The following CEACAM7 variants were observed in gnomAD, a reference collection of about 807,000 sequenced individuals.
CEACAM7 encodes the protein CEA cell adhesion molecule 7, also known as cell adhesion molecule CEACAM7.
CEACAM7 carries 24 observed loss-of-function variants against 25.7 expected under a neutral mutation model. The observed-to-expected ratio is 0.93, with a 90% CI of 0.68 to 1.31. CEACAM7 has a LOEUF of 1.31. Among genes scored for constraint, CEACAM7 ranks in the 40% most tolerant of loss-of-function variants. The pLI, the probability that CEACAM7 is intolerant of heterozygous loss-of-function variation, is 0.00. For synonymous variants in CEACAM7, 144 were observed against 129.4 expected (o/e 1.11, Z -0.77); for missense variants, 324 against 330.1 (o/e 0.98, Z 0.14).
At chr19:41,683,013 C>T (rs116149848) in intron 3 of CEACAM7, among the ~76,000 whole-genome samples, 3 of 152,204 alleles carry the variant, frequency 2.0e-5, no homozygotes, top group South Asian at 2.1e-4. Context: ...GAGGGTTCAG[C>T]GGGGAGAATT....
intron 4 of CEACAM7, among the ~76,000 whole-genome samples, chr19:41,675,709 C>T (rs1164139196): frequency 6.6e-6 from 1 of 152,060 alleles, no homozygotes; most frequent in Non-Finnish European, 1.5e-5. Flanking sequence ...CTTAAGATGG[C>T]AATGGTTAAA....
At chr19:41,678,310 C>CATATAT (rs1242736754) in intron 3 of CEACAM7, among the ~76,000 whole-genome samples, 24 of 144,754 alleles carry the variant, frequency 1.7e-4, no homozygotes, top group African/African-American at 5.5e-4. Context: ...CTGTTTCTCC[C>CATATAT]ATGTATATGT....
At chr19:41,686,753 G>T in intron 2 of CEACAM7, 106 bp downstream of exon 2, 1 of 1,277,490 alleles carries the variant, frequency 7.8e-7, no homozygotes, top group Non-Finnish European at 1.1e-6. Flanking sequence ...CTCCAACACT[G>T]GATAAAATGT....
At chr19:41,676,600 C>T (rs2072115842) in intron 4 of CEACAM7, among the ~76,000 whole-genome samples, 2 of 152,146 alleles carry the variant, frequency 1.3e-5, no homozygotes, top group Non-Finnish European at 2.9e-5. Context: ...CTGTATCTTT[C>T]ATGAACACAT....
At position 41,683,987 on chromosome 19, in the gene CEACAM7, A is replaced by G. The variant is rs1418219418; in HGVS notation, c.504T>C (p.Cys168=). The G allele has an allele frequency of 1.2e-6, 2 of 1,614,076 alleles. No homozygotes were observed. The highest frequency in any genetic ancestry group is 1.7e-5 in the Admixed American group (1 of 60,008). ...AGGTTGTGTTCTGAGTCTCAGGTTG[A>G]CAGGTTAAAACCACAATATCTTTGT... ...VENKDIVVLT[C]QPETQNTTYL... The change falls in exon 3 of 5, where the codon TGT becomes TGC. Residue 168 remains cysteine, a synonymous_variant. Transcript: ENST00000401731.
rs1568688297 is a variant in CEACAM7 at position 41,683,910 on chromosome 19, A to G, written c.581T>C (p.Leu194Pro). 1 of 1,614,070 alleles carries G rather than the reference A, an allele frequency of 6.2e-7. No homozygotes were observed. ...AACGAGGGTCCTGTTGTCAGTGGAG[A>G]GCAGCAGCCTGGGACTGACCAGGAG... is the stretch of plus-strand genomic sequence containing the variant. ...QSLLVSPRLLLSTDNRTLVLL... is the reference protein window; with the variant it reads ...QSLLVSPRLLPSTDNRTLVLL... Residue 194 changes from leucine (L) to proline (P), a missense_variant, in exon 3 of 5, where the codon CTC (leucine) becomes CCC (proline). Coordinates refer to ENST00000401731, the MANE Select transcript of CEACAM7 (RefSeq NM_001291485.2).
In CEACAM7 at chr19:41,686,995, G is replaced by T. The variant is rs140053238; in HGVS notation, c.291C>A (p.Asn97Lys). ...CATTGGGGTATATTGTCTCTCGACC[G>T]TTGTGTGCGGGCCCTGGGGCATTTT... is the stretch of plus-strand genomic sequence containing the variant. ...SQENAPGPAH[N>K]GRETIYPNGT... is the part of the protein sequence containing the mutation. The change falls in exon 2 of 5, where the codon AAC becomes AAA. Residue 97 changes from asparagine to lysine, a missense_variant. Coordinates refer to ENST00000401731, the MANE Select transcript of CEACAM7 (RefSeq NM_001291485.2). 2 of 1,613,542 alleles carry T rather than the reference G, an allele frequency of 1.2e-6. No individual in the cohort carries two copies. Among genetic ancestry groups the T allele is most frequent in the Non-Finnish European group, 1.7e-6 (2 of 1,179,750 alleles).
intron 2 of CEACAM7, 94 bp from the exon 3 acceptor site, chr19:41,684,157 A>C (rs1466289147): frequency 2.7e-5 from 37 of 1,351,054 alleles, no homozygotes; most frequent in Non-Finnish European, 3.6e-5. Flanking sequence ...CCCACCTCTA[A>C]GCCCACTCAA....
At chr19:41,676,834 T>G (rs1555810144) in intron 4 of CEACAM7, among the ~76,000 whole-genome samples, 1 of 152,070 alleles carries the variant, frequency 6.6e-6, no homozygotes, top group East Asian at 1.9e-4. Context: ...AAGGGCAGGA[T>G]GTATAGGAAG....
rs377246018 is a variant in CEACAM7 at position 41,677,378 on chromosome 19, C to T, written c.*34G>A. On this transcript the variant is annotated splice_region_variant and 3_prime_UTR_variant, in exon 4 of 5. Transcript: ENST00000401731. ...AGAGGAAAGGTCATAATACCTACCA[C>T]TCTTCCCGAAATGCAGAAACTACAC... The T allele has an allele frequency of 7.6e-5, 114 of 1,508,938 alleles. 2 individuals carry two copies. The East Asian group carries it at 1.1e-3, about 15-fold the overall frequency. 93.5% of individuals were successfully genotyped at this position (1,508,938 alleles called of 1,614,324 possible). A position where few individuals can be genotyped will look rare whatever the true frequency, so the allele number is the denominator to read the frequency against.
chr19:41,683,820 G>A lies in CEACAM7; in HGVS notation c.671C>T (p.Ala224Val), dbSNP rs373169617. Reference sequence around the variant, plus strand: ...CAGGGTGACTGGGTCACTGCGGCTGGCACCCACTGGGTTCTGTATTTCACA... The same window carrying A: ...CAGGGTGACTGGGTCACTGCGGCTGACACCCACTGGGTTCTGTATTTCACA... ...YECEIQNPVG[A>V]SRSDPVTLNV... Residue 224 changes from alanine (A) to valine (V), a missense_variant, in exon 3 of 5, where the codon GCC (alanine) becomes GTC (valine). Ala to Val is a moderately conservative substitution (Grantham distance 64). Transcript: ENST00000401731. 159 of 1,614,030 alleles carry A rather than the reference G, an allele frequency of 9.9e-5. No homozygotes were observed. The highest frequency in any genetic ancestry group is 1.3e-4 in the Non-Finnish European group (150 of 1,180,010).
chr19:41,687,939 A>G (rs1555811405), intron 1 of CEACAM7, among the ~76,000 whole-genome samples, 163 bp downstream of exon 1: 1 of 152,122 alleles, frequency 6.6e-6, no homozygotes, highest in East Asian at 1.9e-4. Flanking sequence ...TTCCAGTCCA[A>G]TGTGATTTTC....
chr19:41,685,436 T>G (rs1548724), intron 2 of CEACAM7, among the ~76,000 whole-genome samples: 68,552 of 151,496 alleles, frequency 0.45, 16,804 homozygotes, highest in Middle Eastern at 0.62. Context: ...ATGAGAGAGG[T>G]GGAACATGGG....
Position 41,687,192 on chromosome 19 carries a change from T to G in CEACAM7, c.94A>C (p.Asn32His). 6.2e-7 allele frequency: 1 copy of G among 1,609,454 alleles called. No homozygotes were observed. Reference protein sequence around the residue: ...ASLLTFWNLPNSAQTNIDVVP... With the variant: ...ASLLTFWNLPHSAQTNIDVVP... Reference sequence around the variant, plus strand: ...ACATCAATATTGGTCTGGGCACTGTTTGGCAGGTTCCAGAAGGTTAAAAGC... The same window carrying G: ...ACATCAATATTGGTCTGGGCACTGTGTGGCAGGTTCCAGAAGGTTAAAAGC... Residue 32 changes from asparagine (N) to histidine (H), a missense_variant, in exon 2 of 5, where the codon AAC (asparagine) becomes CAC (histidine). Coordinates refer to ENST00000401731, the MANE Select transcript of CEACAM7 (RefSeq NM_001291485.2).
At chr19:41,683,721 C>G in intron 3 of CEACAM7, 64 bp downstream of exon 3, 6 of 1,591,342 alleles carry the variant, frequency 3.8e-6, no homozygotes, top group Non-Finnish European at 5.1e-6. Flanking sequence ...ACTAAGAGGC[C>G]TGGTCTCTGG....
At chr19:41,682,429 G>C (rs1205197996) in intron 3 of CEACAM7, among the ~76,000 whole-genome samples, 4 of 152,122 alleles carry the variant, frequency 2.6e-5, no homozygotes, top group African/African-American at 9.7e-5. Context: ...CCCTAGCTGT[G>C]CTCTGTGCTG....
chr19:41,682,854 C>T (rs542079025), intron 3 of CEACAM7, among the ~76,000 whole-genome samples: 1 of 152,358 alleles, frequency 6.6e-6, no homozygotes, highest in South Asian at 2.1e-4. Flanking sequence ...CCCTTAAGGA[C>T]CCTTCCTGCT....
In CEACAM7 at chr19:41,676,387, G is replaced by T. The variant is rs527247565; in HGVS notation, c.*36+989C>A. ...TCATGTCTTATTTTTTGGAGACAGG[G>T]TCTTGCTCTGTGGCCCAAGTTGGAG... On this transcript the variant is annotated intron_variant, in intron 4 of 4. Transcript: ENST00000401731. Among the ~76,000 whole-genome samples, 234 of 152,214 alleles carry T rather than the reference G, an allele frequency of 1.5e-3. 1 individual carries two copies. Among genetic ancestry groups the T allele is most frequent in the Non-Finnish European group, 3.1e-3 (209 of 68,008 alleles).
At chr19:41,675,172 C>A (rs971163803) in intron 4 of CEACAM7, among the ~76,000 whole-genome samples, 21 of 152,148 alleles carry the variant, frequency 1.4e-4, no homozygotes, top group Non-Finnish European at 2.8e-4. Flanking sequence ...TTAAATGTAT[C>A]CTGTTATAAA....
Sources: gnomAD v4.1 joint callset for allele counts (sites outside exome capture counted in the v4.1 genomes callset) on GRCh38, gnomAD v4.1.1 for gene constraint, MANE v1.5 for transcripts, NCBI Gene and HGNC (gene_info 2026-07-23, HGNC 2026-07-21) for gene names.